The following DIP2C variants were observed in gnomAD, a reference collection of about 807,000 sequenced individuals.
The protein encoded by DIP2C is DIP2 acetate--CoA ligase C (putative), also known as disco-interacting protein 2 homolog C.
A neutral mutation model predicts 192.4 loss-of-function variants in DIP2C; 33 were observed. The observed-to-expected ratio is 0.17, with a 90% confidence interval of 0.13 to 0.23. The LOEUF is 0.23. Ranked by LOEUF, DIP2C falls within the 10% of genes least tolerant of loss-of-function variation. The pLI is 1.00. For missense variants in DIP2C, 1,537 were observed against 2,110.1 expected (o/e 0.73, Z 5.32); for synonymous variants, 979 against 864.1 (o/e 1.13, Z -2.33).
rs912506810 is a variant in DIP2C, at chr10:367,226, G to A, written c.2132-815C>T. Among the ~76,000 whole-genome samples, 15 of 152,244 alleles carry A rather than the reference G, an allele frequency of 9.9e-5. 1 individual carries two copies. Among genetic ancestry groups the A allele is most frequent in the Admixed American group, 4.6e-4 (7 of 15,286 alleles). ...AGGTCAGGAGATCGAGACCATCCTG[G>A]CTAACATGGTGAAACCCCGTCTCTA... On this transcript the variant is annotated intron_variant, in intron 18 of 36. Coordinates refer to ENST00000280886, the MANE Select transcript of DIP2C (RefSeq NM_014974.3).
Position 309,815 on chromosome 10 carries a change from A to G in DIP2C, c.3986+216T>C, listed in dbSNP as rs190760650. 1.2e-3 allele frequency among the ~76,000 whole-genome samples: 177 copies of G among 151,926 alleles called. 1 individual carries two copies. Among genetic ancestry groups the G allele is most frequent in the African/African-American group, 4.0e-3 (165 of 41,410 alleles). ...ATCCGCCTACCTCAGCCTCCCAAAT[A>G]CCTGGGATTACAGGCGTGAGCCACC... On this transcript the variant is annotated intron_variant, in intron 32 of 36. Transcript: ENST00000280886.
intron 1 of DIP2C, among the ~76,000 whole-genome samples, chr10:662,574 A>G (rs933130537): frequency 6.6e-6 from 1 of 152,232 alleles, no homozygotes; most frequent in South Asian, 2.1e-4. Context: ...AACCAATAAA[A>G]TATGACTCCA....
chr10:333,540 G>A (rs1378703598), intron 29 of DIP2C, among the ~76,000 whole-genome samples: 2 of 152,218 alleles, frequency 1.3e-5, no homozygotes, highest in African/African-American at 2.4e-5. Context: ...CACCTGTTCA[G>A]TCACCTGCTA....
At chr10:459,376 C>CAT (rs950948411) in intron 3 of DIP2C, among the ~76,000 whole-genome samples, 17 of 35,630 alleles carry the variant, frequency 4.8e-4, no homozygotes, top group African/African-American at 6.2e-4. Context: ...TCCCAGAGGA[C>CAT]ACGGGACCGG....
At chr10:419,840 G>A (rs1376227079) in intron 5 of DIP2C, among the ~76,000 whole-genome samples, 2 of 152,152 alleles carry the variant, frequency 1.3e-5, no homozygotes, top group South Asian at 4.1e-4. Flanking sequence ...ACTAAGGATC[G>A]TGTAAGGCCA....
chr10:390,064 C>T lies in DIP2C; in HGVS notation c.1524G>A (p.Leu508=). Reference sequence around the variant, plus strand: ...GCGCAGTCCTCGTCACCGTCACACCCAGCACACTGCCATCCTTACACGTCT... The same window carrying T: ...GCGCAGTCCTCGTCACCGTCACACCTAGCACACTGCCATCCTTACACGTCT... ...EYKTCKDGSV[L]GVTVTRTALL... is the part of the protein sequence containing the mutation. Residue 508 remains leucine, a synonymous_variant, in exon 13 of 37, where the codon CTG becomes CTA. Coordinates refer to ENST00000280886, the MANE Select transcript of DIP2C (RefSeq NM_014974.3). 1 of 1,614,132 alleles carries T rather than the reference C, an allele frequency of 6.2e-7. No individual in the cohort carries two copies. The highest frequency in any genetic ancestry group is 2.2e-5 in the East Asian group (1 of 44,882).
chr10:597,000 G>A (rs1006132133), intron 1 of DIP2C, among the ~76,000 whole-genome samples: 1 of 152,348 alleles, frequency 6.6e-6, no homozygotes, highest in East Asian at 1.9e-4. Flanking sequence ...GGCTGGTTCT[G>A]CATTATTTCT....
intron 1 of DIP2C, among the ~76,000 whole-genome samples, chr10:544,356 C>T (rs940903884): frequency 2.6e-5 from 4 of 152,218 alleles, no homozygotes; most frequent in Non-Finnish European, 5.9e-5. Flanking sequence ...GACATCTGGG[C>T]TGTTTCTACT....
chr10:392,577 C>A (rs577549565), intron 10 of DIP2C, among the ~76,000 whole-genome samples: 1 of 152,198 alleles, frequency 6.6e-6, no homozygotes, highest in Non-Finnish European at 1.5e-5. Flanking sequence ...CCCGCGGCCC[C>A]GTCAGACGCC....
chr10:336,203 T>TA (rs960556786), intron 29 of DIP2C, among the ~76,000 whole-genome samples: 7 of 152,028 alleles, frequency 4.6e-5, no homozygotes, highest in African/African-American at 9.6e-5. Context: ...ACGCCATCTC[T>TA]AAAAAAAAAT....
intron 4 of DIP2C, among the ~76,000 whole-genome samples, chr10:423,746 A>G (rs1201419132): frequency 6.6e-6 from 1 of 152,212 alleles, no homozygotes; most frequent in Non-Finnish European, 1.5e-5. Context: ...AGATACCCAT[A>G]CAGTTCCTTA....
chr10:588,330 T>G (rs541627455), intron 1 of DIP2C, among the ~76,000 whole-genome samples: 127 of 152,358 alleles, frequency 8.3e-4, no homozygotes, highest in Non-Finnish European at 1.5e-3. Context: ...GACTGTGTCC[T>G]GGGAACTTAA....
rs572914345 is a variant in DIP2C, at chr10:274,868, A to G, written c.*2457T>C. On this transcript the variant is annotated 3_prime_UTR_variant, in exon 37 of 37. Transcript: ENST00000280886. ...AGGTCACAAGACAAACATTTTTTAC[A>G]ATCTCATGAATGATTTATCTACAGT... 2.0e-5 allele frequency: 3 copies of G among 152,212 alleles called. No individual in the cohort carries two copies. The highest frequency in any genetic ancestry group is 4.4e-5 in the Non-Finnish European group (3 of 68,044). The allele number at this position is 152,212 out of a possible 1,614,324, so 9.4% of individuals were successfully genotyped here.
At chr10:454,998 C>T (rs1236436263) in intron 3 of DIP2C, among the ~76,000 whole-genome samples, 1 of 152,170 alleles carries the variant, frequency 6.6e-6, no homozygotes, top group Non-Finnish European at 1.5e-5. Flanking sequence ...CTGCCATTTG[C>T]ACCAAGCTCA....
chr10:385,463 C>T (rs546687650), intron 14 of DIP2C, among the ~76,000 whole-genome samples: 4 of 152,326 alleles, frequency 2.6e-5, no homozygotes, highest in African/African-American at 4.8e-5. Flanking sequence ...AACAGCCTTT[C>T]GTATCCTCAA....
chr10:672,470 C>A (rs995444626), intron 1 of DIP2C, among the ~76,000 whole-genome samples: 1 of 152,250 alleles, frequency 6.6e-6, no homozygotes, highest in African/African-American at 2.4e-5. Flanking sequence ...CCGCCCACCC[C>A]AGAGGCGAGG....
At chr10:578,762 A>G (rs1179883916) in intron 1 of DIP2C, among the ~76,000 whole-genome samples, 1 of 152,192 alleles carries the variant, frequency 6.6e-6, no homozygotes, top group East Asian at 1.9e-4. Flanking sequence ...GTGTACACAC[A>G]TCCAACTACA....
At chr10:617,631 A>C (rs1853559679) in intron 1 of DIP2C, among the ~76,000 whole-genome samples, 1 of 150,352 alleles carries the variant, frequency 6.7e-6, no homozygotes. Context: ...ACCCAGCCCC[A>C]CTGTCCAGGC....
chr10:430,897 T>G (rs550411494), intron 4 of DIP2C, among the ~76,000 whole-genome samples: 6 of 152,360 alleles, frequency 3.9e-5, no homozygotes, highest in African/African-American at 1.4e-4. Flanking sequence ...TTGAAAGATG[T>G]AAGGTCTGTG....
Sources: allele counts gnomAD v4.1 joint callset (sites outside exome capture counted in the v4.1 genomes callset), GRCh38; gene constraint gnomAD v4.1.1; transcripts MANE v1.5; gene names NCBI Gene and HGNC (gene_info 2026-07-23, HGNC 2026-07-21).